The following SMIM3 variants were observed in gnomAD, a reference collection of about 807,000 sequenced individuals.
SMIM3 encodes the protein small integral membrane protein 3.
In SMIM3, 4 loss-of-function variants were observed where a neutral mutation model predicts 2.1. The observed-to-expected ratio is 1.89, with a 90% CI of 0.93 to 4.31. The LOEUF is 4.31. SMIM3 is among the 30% of genes most tolerant of loss of function. The pLI, the probability that SMIM3 is intolerant of heterozygous loss-of-function variation, is 0.01. For synonymous variants in SMIM3, 29 were observed against 30.8 expected, an observed-to-expected ratio of 0.94 and a Z score of 0.19; for missense variants, 79 against 77.7, an observed-to-expected ratio of 1.02 and a Z score of -0.06.
intron 1 of SMIM3, among the ~76,000 whole-genome samples, chr5:150,787,535 TTGGAGGTAGCTGTAG>T (rs1215814568): frequency 7.9e-5 from 12 of 152,140 alleles, no homozygotes; most frequent in African/African-American, 2.7e-4. Context: ...TGTGGACTCT[TTGGAGGTAGCTGTAG>T]TGTAGTGGTA....
In SMIM3 at chr5:150,785,882, CA is replaced by C. The variant is rs1477822472; in HGVS notation, c.-12+6911del. Among the ~76,000 whole-genome samples, 7 of 152,216 alleles carry C rather than the reference CA, an allele frequency of 4.6e-5. 1 individual carries two copies. The highest frequency in any genetic ancestry group is 4.6e-4 in the Admixed American group (7 of 15,290). ...ACAGGCATGAGTCACTGTACCTGGC[CA>C]GATTTACTATATTTCTAATTATGGA... is the stretch of plus-strand genomic sequence containing the variant. On this transcript the variant is annotated intron_variant, in intron 1 of 1. Transcript: ENST00000526627.
At chr5:150,783,434 T>C (rs189580201) in intron 1 of SMIM3, among the ~76,000 whole-genome samples, 96 of 152,342 alleles carry the variant, frequency 6.3e-4, no homozygotes, top group Admixed American at 1.0e-3. Context: ...GCAAAATACT[T>C]GAAGAGTCAT....
intron 1 of SMIM3, among the ~76,000 whole-genome samples, chr5:150,785,545 T>A (rs899724287): frequency 3.3e-5 from 5 of 151,792 alleles, no homozygotes; most frequent in African/African-American, 1.2e-4. Context: ...TTTCTCTTTA[T>A]CTTTGGATCT....
At chr5:150,795,233 T>C (rs1308784079) in intron 1 of SMIM3, among the ~76,000 whole-genome samples, 197 bp from the exon 2 acceptor site, 1 of 152,214 alleles carries the variant, frequency 6.6e-6, no homozygotes, top group East Asian at 1.9e-4. Context: ...AATGTGTTAA[T>C]AGACATAAAG....
rs188545325 is a variant in SMIM3 at position 150,781,761 on chromosome 5, C to T, written c.-12+2789C>T. On this transcript the variant is annotated intron_variant, in intron 1 of 1. Coordinates refer to ENST00000526627, the MANE Select transcript of SMIM3 (RefSeq NM_032947.5). ...CCGCCCGGTGCTCTTGCAGCTCTGT[C>T]ACGGAGCACCCTGCCAGCACCTCTC... Among the ~76,000 whole-genome samples the T allele has an allele frequency of 6.7e-3, 1,012 of 150,640 alleles. 44 individuals are homozygous for T. Among genetic ancestry groups the T allele is most frequent in the Admixed American group, 0.06 (922 of 15,262 alleles).
intron 1 of SMIM3, among the ~76,000 whole-genome samples, chr5:150,788,598 C>T (rs1753316386): frequency 6.9e-6 from 1 of 145,050 alleles, no homozygotes; most frequent in Non-Finnish European, 1.5e-5. Context: ...CACGCCACTG[C>T]ACTCCAGCCT....
At chr5:150,786,510 T>A (rs1753295287) in intron 1 of SMIM3, among the ~76,000 whole-genome samples, 1 of 152,140 alleles carries the variant, frequency 6.6e-6, no homozygotes, top group Non-Finnish European at 1.5e-5. Context: ...TGATCTTGAA[T>A]TCCTGAGCTC....
At chr5:150,788,480 C>G (rs1035543818) in intron 1 of SMIM3, among the ~76,000 whole-genome samples, 6 of 151,394 alleles carry the variant, frequency 4.0e-5, no homozygotes, top group Non-Finnish European at 5.9e-5. Context: ...ACAAAAAATA[C>G]AAAAATTAGC....
At chr5:150,787,142 TTC>T (rs1753301264) in intron 1 of SMIM3, among the ~76,000 whole-genome samples, 1 of 152,182 alleles carries the variant, frequency 6.6e-6, no homozygotes, top group African/African-American at 2.4e-5. Context: ...TCAGTCTCCA[TTC>T]TCCGGTAGGG....
intron 1 of SMIM3, among the ~76,000 whole-genome samples, chr5:150,786,594 G>C (rs1753296158): frequency 6.6e-6 from 1 of 152,044 alleles, no homozygotes; most frequent in African/African-American, 2.4e-5. Flanking sequence ...ACCTCTATTT[G>C]ATTCTTTTAA....
intron 1 of SMIM3, among the ~76,000 whole-genome samples, chr5:150,783,694 C>T (rs1213428126): frequency 6.6e-6 from 1 of 152,190 alleles, no homozygotes; most frequent in African/African-American, 2.4e-5. Context: ...TGAACTCTGG[C>T]AGTAAAACCG....
Position 150,795,754 on chromosome 5 carries a change from C to A in SMIM3, c.*131C>A. ...GTTCTGGTTTTGATTCTGCCACGAG[C>A]CAGCTGTGTGAATTTGGTCAAGGGA... On this transcript the variant is annotated 3_prime_UTR_variant, in exon 2 of 2. Coordinates refer to ENST00000526627, the MANE Select transcript of SMIM3 (RefSeq NM_032947.5). 3 of 1,025,580 alleles carry A rather than the reference C, an allele frequency of 2.9e-6. No individual in the cohort carries two copies. The highest frequency in any genetic ancestry group is 4.2e-6 in the Non-Finnish European group (3 of 718,726). 63.5% of individuals were successfully genotyped at this position (1,025,580 alleles called of 1,614,324 possible).
intron 1 of SMIM3, among the ~76,000 whole-genome samples, chr5:150,779,914 G>A (rs1480298452): frequency 7.1e-6 from 1 of 140,856 alleles, no homozygotes; most frequent in Non-Finnish European, 1.5e-5. Context: ...TACTTATGCA[G>A]CTGCACTTGT....
intron 1 of SMIM3, among the ~76,000 whole-genome samples, chr5:150,783,914 C>CTTTT (rs557905770): frequency 3.4e-4 from 42 of 124,310 alleles, no homozygotes; most frequent in Non-Finnish European, 4.6e-4. Context: ...TTTGAACTCC[C>CTTTT]TTTTTTTTTT....
intron 1 of SMIM3, among the ~76,000 whole-genome samples, chr5:150,782,260 T>C (rs543364408): frequency 6.6e-6 from 1 of 152,330 alleles, no homozygotes; most frequent in South Asian, 2.1e-4. Flanking sequence ...ATGACTGTGC[T>C]GGGTTGGTAA....
At chr5:150,785,494 T>A (rs1301809753) in intron 1 of SMIM3, among the ~76,000 whole-genome samples, 1 of 152,200 alleles carries the variant, frequency 6.6e-6, no homozygotes, top group East Asian at 1.9e-4. Flanking sequence ...AGAAGTTGGT[T>A]GTCAATCTAA....
At chr5:150,793,724 A>G (rs1353781740) in intron 1 of SMIM3, among the ~76,000 whole-genome samples, 2 of 152,230 alleles carry the variant, frequency 1.3e-5, no homozygotes, top group Non-Finnish European at 2.9e-5. Context: ...AAATTCTAGA[A>G]GATAACTTTG....
At chr5:150,785,539 T>C (rs1197257066) in intron 1 of SMIM3, among the ~76,000 whole-genome samples, 1 of 151,882 alleles carries the variant, frequency 6.6e-6, no homozygotes, top group African/African-American at 2.4e-5. Context: ...GTCTTATTTC[T>C]CTTTATCTTT....
chr5:150,792,594 G>A (rs1753360109), intron 1 of SMIM3, among the ~76,000 whole-genome samples: 1 of 152,170 alleles, frequency 6.6e-6, no homozygotes, highest in Non-Finnish European at 1.5e-5. Flanking sequence ...GAGTGCAGTG[G>A]TGTGATCATG....
Sources: allele counts gnomAD v4.1 joint callset (sites outside exome capture counted in the v4.1 genomes callset), GRCh38; gene constraint gnomAD v4.1.1; transcripts MANE v1.5; gene names NCBI Gene and HGNC (gene_info 2026-07-23, HGNC 2026-07-21).